BRI3: variants seen among roughly 807,000 people sequenced by gnomAD.
BRI3 encodes the protein membrane protein BRI3.
A neutral mutation model predicts 12.8 loss-of-function variants in BRI3; 6 were observed. The observed-to-expected ratio is 0.47, with a 90% CI of 0.26 to 0.93. The LOEUF (loss-of-function observed/expected upper bound fraction) is 0.93. Ranked by LOEUF, BRI3 falls within the 40% of genes least tolerant of loss-of-function variation. The pLI is 0.15. For missense variants in BRI3, 134 were observed against 171.1 expected (o/e 0.78, Z 1.21); for synonymous variants, 91 against 76.1 (o/e 1.20, Z -1.02).
At chr7:98,297,456 AAC>A (rs1341286724), downstream of BRI3, among the ~76,000 whole-genome samples, 1 of 152,202 alleles carries the variant, frequency 6.6e-6, no homozygotes, top group Non-Finnish European at 1.5e-5. Flanking sequence ...GGACAGAGTG[AAC>A]AGGGCCAGTG....
chr7:98,313,982 C>CT (rs35599338), downstream of BRI3, among the ~76,000 whole-genome samples: 34,537 of 101,008 alleles, frequency 0.34, 7,776 homozygotes, highest in Non-Finnish European at 0.46. Context: ...CTTTTTCTTC[C>CT]TTTTTTTTTT....
At chr7:98,294,482 C>G (rs1030170585), downstream of BRI3, among the ~76,000 whole-genome samples, 3 of 152,228 alleles carry the variant, frequency 2.0e-5, no homozygotes, top group African/African-American at 7.2e-5. Context: ...ATGGCACTGC[C>G]TGCGCGGGTC....
chr7:98,308,131 T>C (rs1368042639), exon 2 of BRI3: 3 of 647,716 alleles, frequency 4.6e-6, no homozygotes, highest in Non-Finnish European at 8.5e-6. Context: ...AGAGGATCCC[T>C]GCGGCTGCGG....
downstream of BRI3, among the ~76,000 whole-genome samples, chr7:98,296,681 T>G (rs1004483350): frequency 6.6e-6 from 1 of 152,150 alleles, no homozygotes; most frequent in African/African-American, 2.4e-5. Flanking sequence ...AAAAACATAT[T>G]GGACGTGTTC....
chr7:98,291,805 C>G (rs932338635), downstream of BRI3: 2 of 153,550 alleles, frequency 1.3e-5, no homozygotes, highest in Admixed American at 1.3e-4. Context: ...ATCCGAGACC[C>G]CCAGGTCCTA....
downstream of BRI3, chr7:98,293,268 T>TA: frequency 5.0e-6 from 2 of 403,964 alleles, no homozygotes; most frequent in Non-Finnish European, 8.9e-6. Context: ...AGTTTACTGT[T>TA]TCTTGAACAG....
downstream of BRI3, among the ~76,000 whole-genome samples, chr7:98,294,333 C>G (rs1273875252): frequency 6.6e-6 from 1 of 152,160 alleles, no homozygotes; most frequent in African/African-American, 2.4e-5. Context: ...GTAAAGACAT[C>G]TAAAACATAA....
exon 2 of BRI3, chr7:98,308,087 G>A: frequency 1.4e-6 from 1 of 701,780 alleles, no homozygotes; most frequent in Non-Finnish European, 2.6e-6. Context: ...AGAAACAGAG[G>A]CAGCGTGCAG....
downstream of BRI3, among the ~76,000 whole-genome samples, chr7:98,297,716 G>A (rs1562962938): frequency 2.0e-5 from 3 of 152,192 alleles, no homozygotes; most frequent in Non-Finnish European, 4.4e-5. Context: ...CGAGCCACTG[G>A]GATCTTTTTG....
upstream of BRI3, among the ~76,000 whole-genome samples, chr7:98,302,350 G>A (rs2116829576): frequency 6.6e-6 from 1 of 152,332 alleles, no homozygotes; most frequent in East Asian, 1.9e-4. Context: ...TGCCAGAGCT[G>A]TGATTTTTGG....
At chr7:98,282,611 C>T in intron 2 of BRI3, 158 bp downstream of exon 2, 9 of 644,388 alleles carry the variant, frequency 1.4e-5, no homozygotes, top group South Asian at 7.4e-5. Context: ...TGCCCGAATG[C>T]GGTGTGGGAG....
At chr7:98,292,902 G>GCT, downstream of BRI3, 2 of 1,417,820 alleles carry the variant, frequency 1.4e-6, no homozygotes, top group Non-Finnish European at 1.8e-6. Flanking sequence ...GCTACGTGTG[G>GCT]CTGTGATAAG....
At chr7:98,287,197 G>A (rs981702840) in intron 2 of BRI3, among the ~76,000 whole-genome samples, 2 of 152,248 alleles carry the variant, frequency 1.3e-5, no homozygotes, top group Non-Finnish European at 2.9e-5. Context: ...AAACAGGCTC[G>A]CTCTCCCCAG....
chr7:98,307,869 C>A (rs776775180), exon 2 of BRI3: 1 of 1,614,220 alleles, frequency 6.2e-7, no homozygotes, highest in South Asian at 1.1e-5. Context: ...CGAAACTGAT[C>A]GCTGTAAACT....
chr7:98,320,610 C>T, the BRI3 span, among the ~76,000 whole-genome samples: 3 of 152,180 alleles, frequency 2.0e-5, no homozygotes, highest in Non-Finnish European at 2.9e-5. Flanking sequence ...TCTGGGATTA[C>T]AGGTGTGAGC....
At chr7:98,289,535 C>T (rs139277142) in intron 2 of BRI3, among the ~76,000 whole-genome samples, 3 of 152,258 alleles carry the variant, frequency 2.0e-5, no homozygotes, top group East Asian at 1.9e-4. Context: ...CGCAGGCAGG[C>T]GGCTGCACTG....
downstream of BRI3, chr7:98,291,623 T>G: frequency 1.6e-6 from 1 of 645,022 alleles, no homozygotes; most frequent in African/African-American, 2.0e-5. Context: ...ACAGTTGTAT[T>G]CAGCAGGCGC....
chr7:98,320,590 C>T, the BRI3 span, among the ~76,000 whole-genome samples: 2 of 152,184 alleles, frequency 1.3e-5, no homozygotes, highest in East Asian at 3.8e-4. Context: ...CTGCCTTGGC[C>T]TCTCAAAGTT....
At chr7:98,300,861 G>A (rs558686074) in intron 1 of BRI3, among the ~76,000 whole-genome samples, 10 of 152,100 alleles carry the variant, frequency 6.6e-5, no homozygotes, top group African/African-American at 9.7e-5. Context: ...TCACCGCAAC[G>A]CCCAGGCCTT....
Sources: gnomAD v4.1 joint callset for allele counts (sites outside exome capture counted in the v4.1 genomes callset) on GRCh38, gnomAD v4.1.1 for gene constraint, MANE v1.5 for transcripts, NCBI Gene and HGNC (gene_info 2026-07-23, HGNC 2026-07-21) for gene names.